The following CSMD1 variants were observed in gnomAD, a reference collection of about 807,000 sequenced individuals.
CSMD1 encodes the protein CUB and sushi domain-containing protein 1.
Under a neutral mutation model 417.5 loss-of-function variants are expected in CSMD1, and 213 were observed. That is an observed-to-expected ratio of 0.51 (90% CI 0.46 to 0.57). The LOEUF (loss-of-function observed/expected upper bound fraction) is 0.57. Ranked by LOEUF, CSMD1 falls within the 20% of genes least tolerant of loss-of-function variation. The pLI is 0.00. For missense variants in CSMD1, 6,923 were observed against 4,529.7 expected (o/e 1.53, Z -15.17); for synonymous variants, 2,862 against 1,736.8 (o/e 1.65, Z -16.11).
chr8:4,190,533 C>A (rs1475236286), intron 3 of CSMD1, among the ~76,000 whole-genome samples: 5 of 120,884 alleles, frequency 4.1e-5, no homozygotes, highest in Non-Finnish European at 8.5e-5. Flanking sequence ...ATTTTACATA[C>A]ACATATAAGC....
rs766148021 is a variant in CSMD1, at chr8:4,107,122, C to T, written c.416-75023G>A. 2.0e-5 allele frequency among the ~76,000 whole-genome samples: 3 copies of T among 152,244 alleles called. 1 individual carries two copies. In the Middle Eastern group the frequency reaches 0.01, roughly 518 times the overall value. The stretch of plus-strand genomic sequence containing the variant: ...TGACGACAGAAATGAGGACTAACAA[C>T]CAAGCATAGTACTGGTTCTACTACA... On this transcript the variant is annotated intron_variant, in intron 3 of 69. Coordinates refer to ENST00000635120, the MANE Select transcript of CSMD1 (RefSeq NM_033225.6).
intron 1 of CSMD1, among the ~76,000 whole-genome samples, chr8:4,838,091 A>G (rs1159193481): frequency 6.6e-6 from 1 of 152,168 alleles, no homozygotes; most frequent in Non-Finnish European, 1.5e-5. Flanking sequence ...CCGGTAATAA[A>G]AATTAGTGAG....
chr8:3,861,123 T>C (rs1467617577), intron 5 of CSMD1, among the ~76,000 whole-genome samples: 1 of 152,120 alleles, frequency 6.6e-6, no homozygotes, highest in African/African-American at 2.4e-5. Flanking sequence ...TGGCTTTCTA[T>C]CATATGCCAA....
At chr8:3,884,980 T>C (rs73493882) in intron 5 of CSMD1, among the ~76,000 whole-genome samples, 5,473 of 150,958 alleles carry the variant, frequency 0.036, 191 homozygotes, top group African/African-American at 0.09. Context: ...ATCATTCATA[T>C]ATATATATAT....
At chr8:3,720,040 G>A (rs1010016481) in intron 6 of CSMD1, among the ~76,000 whole-genome samples, 1 of 152,182 alleles carries the variant, frequency 6.6e-6, no homozygotes, top group Non-Finnish European at 1.5e-5. Flanking sequence ...AGCCTGTGTG[G>A]TTACACAAAG....
At chr8:3,107,694 G>C (rs1816239756) in intron 45 of CSMD1, 24 bp downstream of exon 45, 2 of 1,344,320 alleles carry the variant, frequency 1.5e-6, no homozygotes, top group Non-Finnish European at 2.1e-6. Flanking sequence ...TGAATTCATG[G>C]TATTGTAATG....
chr8:2,951,284 A>AG lies in CSMD1; in HGVS notation c.10040-10dup. On this transcript the variant is annotated splice_polypyrimidine_tract_variant and intron_variant, in intron 65 of 69. Transcript: ENST00000635120. Reference sequence around the variant, plus strand: ...AAAGACATCTGAAGGAACTGTGGGAAGGGGGGAAACAGACCAATGTCAGCA... The same window carrying AG: ...AAAGACATCTGAAGGAACTGTGGGAAGGGGGGGAAACAGACCAATGTCAGCA... The AG allele has an allele frequency of 4.4e-6, 7 of 1,597,322 alleles. No homozygotes were observed. The highest frequency in any genetic ancestry group is 1.1e-5 in the South Asian group (1 of 88,410).
At chr8:3,551,977 G>C (rs750811645) in intron 10 of CSMD1, among the ~76,000 whole-genome samples, 2 of 152,122 alleles carry the variant, frequency 1.3e-5, no homozygotes. Context: ...AGGACTGATA[G>C]GGATCTCACA....
At chr8:4,054,506 G>A (rs552762137) in intron 3 of CSMD1, among the ~76,000 whole-genome samples, 5 of 151,974 alleles carry the variant, frequency 3.3e-5, no homozygotes, top group South Asian at 2.1e-4. Context: ...TGTCGGTTTC[G>A]TCTACACCCT....
At chr8:4,548,028 T>C (rs1797706404) in intron 2 of CSMD1, among the ~76,000 whole-genome samples, 2 of 152,136 alleles carry the variant, frequency 1.3e-5, no homozygotes, top group African/African-American at 4.8e-5. Flanking sequence ...TTAAAAAACA[T>C]TGTGGGTTAC....
At chr8:3,968,227 T>C (rs1812824352) in intron 5 of CSMD1, among the ~76,000 whole-genome samples, 2 of 151,766 alleles carry the variant, frequency 1.3e-5, no homozygotes, top group African/African-American at 4.8e-5. Context: ...AAAAACAATG[T>C]GCCATAATCA....
At chr8:4,020,575 G>C (rs1018227999) in intron 4 of CSMD1, among the ~76,000 whole-genome samples, 26 of 152,160 alleles carry the variant, frequency 1.7e-4, no homozygotes, top group Non-Finnish European at 3.2e-4. Flanking sequence ...AGAAGTCTGA[G>C]AAAGGCCTCC....
At chr8:4,357,092 G>T (rs953848350) in intron 3 of CSMD1, among the ~76,000 whole-genome samples, 1 of 152,158 alleles carries the variant, frequency 6.6e-6, no homozygotes, top group Non-Finnish European at 1.5e-5. Context: ...ATAATACTGT[G>T]TTATGTATTA....
chr8:4,399,886 T>A (rs976561994), intron 3 of CSMD1, among the ~76,000 whole-genome samples: 1 of 152,166 alleles, frequency 6.6e-6, no homozygotes, highest in Non-Finnish European at 1.5e-5. Context: ...GTAGTAAATA[T>A]CATCATTTTA....
chr8:4,860,565 C>T (rs1802071395), intron 1 of CSMD1, among the ~76,000 whole-genome samples: 1 of 152,088 alleles, frequency 6.6e-6, no homozygotes, highest in Non-Finnish European at 1.5e-5. Context: ...GCTTTCTGTA[C>T]AGCCTGCAGA....
At chr8:4,515,680 G>A (rs1384722745) in intron 2 of CSMD1, among the ~76,000 whole-genome samples, 1 of 152,104 alleles carries the variant, frequency 6.6e-6, no homozygotes. Context: ...CCTGTGGTAA[G>A]CAAGATGAGG....
Position 3,247,655 on chromosome 8 carries a change from C to T in CSMD1, c.4154-17424G>A, listed in dbSNP as rs142204150. On this transcript the variant is annotated intron_variant, in intron 26 of 69. Coordinates refer to ENST00000635120, the MANE Select transcript of CSMD1 (RefSeq NM_033225.6). ...AGCCTGGGTCAGCAGGCAAGGCCCCCGCCCCCAGTTCTAAAATAGAACTGT... is the reference window on the plus strand; with the variant it reads ...AGCCTGGGTCAGCAGGCAAGGCCCCTGCCCCCAGTTCTAAAATAGAACTGT... Among the ~76,000 whole-genome samples, 885 of 152,246 alleles carry T rather than the reference C, an allele frequency of 5.8e-3. 4 individuals carry two copies. Among genetic ancestry groups the T allele is most frequent in the African/African-American group, 0.019 (805 of 41,552 alleles).
At chr8:4,248,375 T>G (rs550113337) in intron 3 of CSMD1, among the ~76,000 whole-genome samples, 41 of 152,264 alleles carry the variant, frequency 2.7e-4, no homozygotes, top group Middle Eastern at 6.8e-3. Flanking sequence ...CCTTGGTGAG[T>G]GCTGGTTTGC....
At chr8:4,122,313 C>T (rs10089099) in intron 3 of CSMD1, among the ~76,000 whole-genome samples, 150,622 of 152,268 alleles carry the variant, frequency 0.99, 74,521 homozygotes, top group East Asian at 1. Flanking sequence ...GCTTTGATGA[C>T]CAAATATTAA....
Sources: allele counts gnomAD v4.1 joint callset (sites outside exome capture counted in the v4.1 genomes callset), GRCh38; gene constraint gnomAD v4.1.1; transcripts MANE v1.5; gene names NCBI Gene and HGNC (gene_info 2026-07-23, HGNC 2026-07-21).